KCNQ5: variants seen among roughly 807,000 people sequenced by gnomAD.
The protein encoded by KCNQ5 is potassium voltage-gated channel subfamily Q member 5, also known as potassium voltage-gated channel subfamily KQT member 5.
Under a neutral mutation model 98.2 loss-of-function variants are expected in KCNQ5, and 30 were observed. The ratio of observed to expected loss-of-function variants is 0.31; its 90% confidence interval spans 0.23 to 0.41. The LOEUF (loss-of-function observed/expected upper bound fraction) is 0.41. Ranked by LOEUF, KCNQ5 falls within the 10% of genes least tolerant of loss-of-function variation. The pLI is 1.00. For missense variants in KCNQ5, 835 were observed against 1,182.5 expected, an observed-to-expected ratio of 0.71 and a Z score of 4.31; for synonymous variants, 458 against 449.4, an observed-to-expected ratio of 1.02 and a Z score of -0.24.
intron 1 of KCNQ5, among the ~76,000 whole-genome samples, chr6:72,984,360 C>G (rs1018364639): frequency 1.2e-4 from 19 of 152,338 alleles, no homozygotes; most frequent in African/African-American, 3.8e-4. Context: ...GCTGCGTGGG[C>G]TCCACCCAGT....
intron 1 of KCNQ5, among the ~76,000 whole-genome samples, chr6:72,969,604 C>G (rs1183042383): frequency 6.6e-6 from 1 of 152,104 alleles, no homozygotes; most frequent in East Asian, 1.9e-4. Flanking sequence ...TCTATTCCGT[C>G]ATTTTTCTCC....
intron 11 of KCNQ5, among the ~76,000 whole-genome samples, chr6:73,189,172 A>G (rs995235552): frequency 1.3e-5 from 2 of 152,148 alleles, no homozygotes; most frequent in African/African-American, 4.8e-5. Flanking sequence ...TGGTAAACCA[A>G]TTTGGAACCA....
At chr6:72,627,027 T>C (rs1370071276) in intron 1 of KCNQ5, among the ~76,000 whole-genome samples, 1 of 152,108 alleles carries the variant, frequency 6.6e-6, no homozygotes. Flanking sequence ...GCTTTTTGAG[T>C]CATTCAGGTG....
At chr6:73,060,365 A>G (rs1240156145) in intron 3 of KCNQ5, among the ~76,000 whole-genome samples, 1 of 152,200 alleles carries the variant, frequency 6.6e-6, no homozygotes, top group African/African-American at 2.4e-5. Flanking sequence ...TCATTTGGAA[A>G]AAATTAAAGC....
At chr6:73,106,700 G>A (rs1378499505) in intron 6 of KCNQ5, among the ~76,000 whole-genome samples, 2 of 152,140 alleles carry the variant, frequency 1.3e-5, no homozygotes, top group African/African-American at 2.4e-5. Context: ...TTTCAAACAA[G>A]GTCACATTCT....
chr6:72,943,766 CT>C (rs1289021618), intron 1 of KCNQ5, among the ~76,000 whole-genome samples: 1 of 152,166 alleles, frequency 6.6e-6, no homozygotes, highest in African/African-American at 2.4e-5. Context: ...GTTTTCTCAT[CT>C]GTAAAATGGG....
chr6:73,165,067 C>T (rs1026683936), intron 10 of KCNQ5, among the ~76,000 whole-genome samples: 5 of 152,052 alleles, frequency 3.3e-5, no homozygotes, highest in Non-Finnish European at 7.4e-5. Context: ...TACCGTTGAA[C>T]TCCTGGGCTG....
chr6:72,927,046 T>A (rs1455981995), intron 1 of KCNQ5, among the ~76,000 whole-genome samples: 1 of 152,140 alleles, frequency 6.6e-6, no homozygotes, highest in Non-Finnish European at 1.5e-5. Context: ...TTAGACAGAG[T>A]CAACACTTAG....
intron 1 of KCNQ5, among the ~76,000 whole-genome samples, chr6:72,753,706 A>T (rs1179968836): frequency 6.6e-6 from 1 of 152,058 alleles, no homozygotes; most frequent in African/African-American, 2.4e-5. Flanking sequence ...TTTTCACATG[A>T]TGTTTGCCAC....
At chr6:73,038,861 T>C (rs1488454127) in intron 2 of KCNQ5, among the ~76,000 whole-genome samples, 1 of 152,162 alleles carries the variant, frequency 6.6e-6, no homozygotes, top group Non-Finnish European at 1.5e-5. Context: ...ACTGACTTCA[T>C]AAAATCATTG....
intron 2 of KCNQ5, among the ~76,000 whole-genome samples, chr6:73,006,145 T>A (rs1324131842): frequency 6.6e-6 from 1 of 152,212 alleles, no homozygotes; most frequent in Non-Finnish European, 1.5e-5. Context: ...AGTCAATCAT[T>A]AAGATGACAA....
At position 72,858,976 on chromosome 6, in the gene KCNQ5, G is replaced by A. The variant is rs139434545; in HGVS notation, c.399-144932G>A. On this transcript the variant is annotated intron_variant, in intron 1 of 13. Transcript: ENST00000370398. ...GGATGAAATCTACACAGAAGCTTTCGATGCTAGTTTTGCAATTTTTACGAG... is the reference window on the plus strand; with the variant it reads ...GGATGAAATCTACACAGAAGCTTTCAATGCTAGTTTTGCAATTTTTACGAG... Among the ~76,000 whole-genome samples the A allele has an allele frequency of 1.6e-4, 25 of 152,180 alleles. No homozygotes were observed. The East Asian group carries it at 4.2e-3, about 26-fold the overall frequency.
At chr6:72,987,254 C>T in intron 1 of KCNQ5, 1 of 690,192 alleles carries the variant, frequency 1.4e-6, no homozygotes, top group Non-Finnish European at 2.8e-6. Flanking sequence ...CAGCAAGAGA[C>T]CCTTGGAAGG....
chr6:73,157,377 G>T (rs1777405512), intron 10 of KCNQ5: 1 of 560,508 alleles, frequency 1.8e-6, no homozygotes, highest in South Asian at 1.9e-5. Context: ...ACTGTGTCAG[G>T]CTTAGGATTC....
In KCNQ5 at chr6:73,055,274, G is replaced by A. The variant is rs1475075984; in HGVS notation, c.616+13212G>A. 5.1e-6 allele frequency: 7 copies of A among 1,363,894 alleles called. No individual in the cohort carries two copies. In the African/African-American group the frequency reaches 7.2e-5, roughly 14 times the overall value. The allele number at this position is 1,363,894 out of a possible 1,614,324, so 84.5% of individuals were successfully genotyped here. A position where few individuals can be genotyped will look rare whatever the true frequency, so the allele number is the denominator to read the frequency against. ...CTGCTTCACCTCATTGCAGAAGAGA[G>A]CGATCCCGACCTTCTGGACAGTGCT... is the stretch of plus-strand genomic sequence containing the variant. On this transcript the variant is annotated intron_variant, in intron 3 of 13. Transcript: ENST00000370398.
At chr6:73,194,341 T>C in intron 13 of KCNQ5, 111 bp from the exon 14 acceptor site, 2 of 918,838 alleles carry the variant, frequency 2.2e-6, no homozygotes, top group Non-Finnish European at 3.3e-6. Flanking sequence ...TTATATTCAA[T>C]ATTTCTTTAA....
intron 1 of KCNQ5, among the ~76,000 whole-genome samples, chr6:72,901,447 C>T (rs1562056596): frequency 6.6e-6 from 1 of 152,036 alleles, no homozygotes. Flanking sequence ...AAGGGGTTTT[C>T]CAATGTTATC....
intron 9 of KCNQ5, among the ~76,000 whole-genome samples, chr6:73,128,044 G>A (rs965392371): frequency 5.9e-5 from 9 of 152,010 alleles, no homozygotes; most frequent in African/African-American, 1.9e-4. Flanking sequence ...CAGCCTGGAT[G>A]ACAGAGCAAG....
intron 1 of KCNQ5, among the ~76,000 whole-genome samples, chr6:72,705,187 C>T (rs765860648): frequency 1.1e-4 from 17 of 152,110 alleles, no homozygotes; most frequent in Non-Finnish European, 1.9e-4. Context: ...CACCATGGGG[C>T]GTACTAAATA....
Sources: gnomAD v4.1 joint callset for allele counts (sites outside exome capture counted in the v4.1 genomes callset) on GRCh38, gnomAD v4.1.1 for gene constraint, MANE v1.5 for transcripts, NCBI Gene and HGNC (gene_info 2026-07-23, HGNC 2026-07-21) for gene names.